Variants in HEMGN observed in about 807,000 individuals in gnomAD.
HEMGN encodes the protein erythroid differentiation-associated gene protein.
HEMGN carries 32 observed loss-of-function variants against 45.7 expected under a neutral mutation model. That is an observed-to-expected ratio of 0.70 (90% CI 0.53 to 0.94). HEMGN has a LOEUF of 0.94. Among genes scored for constraint, HEMGN ranks in the 40% least tolerant of loss-of-function variants. The probability of loss-of-function intolerance (pLI) is 0.00; values close to 1 mark genes in which losing one functional copy is unlikely to be tolerated. For missense variants in HEMGN, 530 were observed against 564.2 expected, an observed-to-expected ratio of 0.94 and a Z score of 0.61; for synonymous variants, 183 against 178.6, an observed-to-expected ratio of 1.02 and a Z score of -0.20.
At chr9:97,944,382 G>A (rs571784289) in intron 1 of HEMGN, among the ~76,000 whole-genome samples, 6 of 152,220 alleles carry the variant, frequency 3.9e-5, no homozygotes, top group African/African-American at 1.4e-4. Context: ...TCTTCACTTT[G>A]TCTCTCACAT....
chr9:97,940,376 G>C (rs117807019), upstream of HEMGN, among the ~76,000 whole-genome samples: 13 of 152,274 alleles, frequency 8.5e-5, no homozygotes, highest in East Asian at 2.5e-3. Flanking sequence ...TCTAGAAGCA[G>C]AGTGTGGAGG....
intron 1 of HEMGN, among the ~76,000 whole-genome samples, chr9:97,944,355 G>C (rs553604629): frequency 1.3e-5 from 2 of 152,260 alleles, no homozygotes; most frequent in East Asian, 3.9e-4. Flanking sequence ...GCCTTCAGAA[G>C]TCTCTTTGAC....
intron 1 of HEMGN, 58 bp downstream of exon 1, chr9:97,938,000 A>T: frequency 9.1e-7 from 1 of 1,098,818 alleles, no homozygotes; most frequent in Non-Finnish European, 1.3e-6. Flanking sequence ...AAAAGAGAAA[A>T]TTATCATACC....
chr9:97,935,605 A>G (rs567665971), intron 2 of HEMGN, among the ~76,000 whole-genome samples: 1 of 152,282 alleles, frequency 6.6e-6, no homozygotes, highest in Admixed American at 6.5e-5. Flanking sequence ...CAGTTTCCAC[A>G]ATCATATTTG....
upstream of HEMGN, chr9:97,938,234 ACCACAC>A: frequency 3.9e-6 from 3 of 770,152 alleles, no homozygotes; most frequent in Non-Finnish European, 6.6e-6. Flanking sequence ...AAAAAAAAAA[ACCACAC>A]ACACAAGTTT....
chr9:97,928,440 A>G (rs1333982775), intron 3 of HEMGN, among the ~76,000 whole-genome samples: 2 of 152,198 alleles, frequency 1.3e-5, no homozygotes, highest in African/African-American at 4.8e-5. Context: ...TTGCTACCAC[A>G]TTTCTGGAGG....
intron 2 of HEMGN, among the ~76,000 whole-genome samples, chr9:97,934,109 G>A (rs1295687450): frequency 2.0e-5 from 3 of 152,194 alleles, no homozygotes; most frequent in African/African-American, 7.2e-5. Context: ...CACTTTGGGA[G>A]GCCAAGGTGG....
chr9:97,937,995 A>G, intron 1 of HEMGN, 63 bp downstream of exon 1: 2 of 912,674 alleles, frequency 2.2e-6, no homozygotes, highest in Non-Finnish European at 3.4e-6. Context: ...CATTGAAAAG[A>G]GAAAATTATC....
intron 2 of HEMGN, among the ~76,000 whole-genome samples, chr9:97,933,478 C>T (rs1437848061): frequency 1.3e-5 from 2 of 152,162 alleles, no homozygotes; most frequent in African/African-American, 4.8e-5. Flanking sequence ...CATTATCCAC[C>T]TGCAGGCTGC....
rs1361419680 is a variant in HEMGN at position 97,927,153 on chromosome 9, C to T, written c.*231G>A. 5.6e-5 allele frequency: 18 copies of T among 319,196 alleles called. No homozygotes were observed. The highest frequency in any genetic ancestry group is 4.0e-4 in the African/African-American group (17 of 42,160). 19.8% of individuals were successfully genotyped at this position (319,196 alleles called of 1,614,324 possible). On this transcript the variant is annotated 3_prime_UTR_variant, in exon 4 of 4. Coordinates refer to ENST00000616898, the MANE Select transcript of HEMGN (RefSeq NM_197978.3). ...TCTGTTCCCACCACTATCCTCTCCC[C>T]GACCTATACATACATACACACACAC... is the stretch of plus-strand genomic sequence containing the variant.
intron 2 of HEMGN, among the ~76,000 whole-genome samples, chr9:97,934,750 C>T (rs1403948574): frequency 6.6e-6 from 1 of 152,042 alleles, no homozygotes; most frequent in African/African-American, 2.4e-5. Context: ...GATTCAAAAC[C>T]CTTGCAACAT....
At chr9:97,934,327 G>A (rs1827013721) in intron 2 of HEMGN, among the ~76,000 whole-genome samples, 2 of 151,652 alleles carry the variant, frequency 1.3e-5, no homozygotes, top group Non-Finnish European at 2.9e-5. Flanking sequence ...AGCCTGGGCA[G>A]CAGAGTGAGA....
intron 2 of HEMGN, among the ~76,000 whole-genome samples, chr9:97,932,914 A>T (rs188304478): frequency 1.3e-5 from 2 of 152,278 alleles, no homozygotes; most frequent in Non-Finnish European, 1.5e-5. Flanking sequence ...ATTCTGATAA[A>T]TTTTTTGAAA....
At chr9:97,933,852 G>C (rs547279833) in intron 2 of HEMGN, among the ~76,000 whole-genome samples, 33 of 152,308 alleles carry the variant, frequency 2.2e-4, no homozygotes, top group African/African-American at 7.9e-4. Flanking sequence ...AGTCCAGCCA[G>C]CTGCCAAGAG....
intron 3 of HEMGN, among the ~76,000 whole-genome samples, chr9:97,928,835 A>G (rs1280513966): frequency 6.6e-6 from 1 of 152,248 alleles, no homozygotes; most frequent in Non-Finnish European, 1.5e-5. Context: ...AAAAGACATC[A>G]TAAAGATGGC....
intron 1 of HEMGN, among the ~76,000 whole-genome samples, chr9:97,936,672 T>C (rs1390626314): frequency 6.6e-6 from 1 of 152,208 alleles, no homozygotes; most frequent in African/African-American, 2.4e-5. Context: ...ACAATTTTAA[T>C]CTTTTTATTA....
intron 2 of HEMGN, 79 bp downstream of exon 2, chr9:97,936,092 G>A (rs1280774763): frequency 2.2e-6 from 2 of 917,492 alleles, no homozygotes; most frequent in Non-Finnish European, 3.6e-6. Flanking sequence ...AATACAGTGT[G>A]TAAAGTGCAC....
intron 3 of HEMGN, among the ~76,000 whole-genome samples, chr9:97,929,062 T>C (rs1826890668): frequency 6.6e-6 from 1 of 152,264 alleles, no homozygotes; most frequent in Non-Finnish European, 1.5e-5. Flanking sequence ...TCCCATTTAT[T>C]TGGTCAAACA....
At chr9:97,940,268 G>A (rs1002050495), upstream of HEMGN, among the ~76,000 whole-genome samples, 1 of 152,212 alleles carries the variant, frequency 6.6e-6, no homozygotes, top group Non-Finnish European at 1.5e-5. Context: ...TCATAGAGGA[G>A]AAAGTGTGTA....
Sources: gnomAD v4.1 joint callset for allele counts (sites outside exome capture counted in the v4.1 genomes callset) on GRCh38, gnomAD v4.1.1 for gene constraint, MANE v1.5 for transcripts, NCBI Gene and HGNC (gene_info 2026-07-23, HGNC 2026-07-21) for gene names.